Variants in DPP10 observed in about 807,000 individuals in gnomAD.
DPP10 encodes the protein inactive dipeptidyl peptidase 10.
A neutral mutation model predicts 120.9 loss-of-function variants in DPP10; 33 were observed. That is an observed-to-expected ratio of 0.27 (90% CI 0.21 to 0.37). The LOEUF is 0.37. Among genes scored for constraint, DPP10 ranks in the 10% least tolerant of loss-of-function variants. The pLI, the probability that DPP10 is intolerant of heterozygous loss-of-function variation, is 1.00. For missense variants in DPP10, 816 were observed against 942.8 expected (o/e 0.87, Z 1.76); for synonymous variants, 337 against 326.1 (o/e 1.03, Z -0.36).
chr2:115,573,952 G>T, intron 5 of DPP10, among the ~76,000 whole-genome samples: 1 of 152,036 alleles, frequency 6.6e-6, no homozygotes. Flanking sequence ...AGCTGGCCTG[G>T]TTCTCTACTC....
chr2:115,674,242 G>GTAAATAAATAAA (rs35526958), intron 5 of DPP10, among the ~76,000 whole-genome samples: 8 of 149,006 alleles, frequency 5.4e-5, no homozygotes, highest in East Asian at 2.0e-4. Flanking sequence ...AAATAAATGA[G>GTAAATAAATAAA]TAAATAAATA....
intron 3 of DPP10, among the ~76,000 whole-genome samples, chr2:115,375,058 A>G (rs1187578103): frequency 6.6e-6 from 1 of 152,244 alleles, no homozygotes; most frequent in African/African-American, 2.4e-5. Context: ...ATTTCTTCCA[A>G]GAAAATGGGT....
At chr2:115,290,680 G>A (rs912467674) in intron 1 of DPP10, among the ~76,000 whole-genome samples, 2 of 151,978 alleles carry the variant, frequency 1.3e-5, no homozygotes, top group African/African-American at 4.8e-5. Flanking sequence ...CACGGGATTT[G>A]TTAGCATGTC....
intron 1 of DPP10, among the ~76,000 whole-genome samples, chr2:114,620,959 T>A (rs974660942): frequency 6.6e-6 from 1 of 152,052 alleles, no homozygotes; most frequent in African/African-American, 2.4e-5. Context: ...CAAGAGAGTA[T>A]CAGTGACTAA....
At chr2:115,364,465 G>A (rs1271961169) in intron 3 of DPP10, among the ~76,000 whole-genome samples, 4 of 152,018 alleles carry the variant, frequency 2.6e-5, no homozygotes, top group East Asian at 1.9e-4. Context: ...TTGCTTGTTC[G>A]CTAGTACGTG....
chr2:115,235,488 A>T (rs1034467566), intron 1 of DPP10, among the ~76,000 whole-genome samples: 1 of 152,242 alleles, frequency 6.6e-6, no homozygotes, highest in Non-Finnish European at 1.5e-5. Context: ...TTTCAAAGCT[A>T]AGGTTGTGAT....
In DPP10 at chr2:115,049,089, A is replaced by C. The variant is rs181830446; in HGVS notation, c.61-260150A>C. Among the ~76,000 whole-genome samples, 4 of 152,226 alleles carry C rather than the reference A, an allele frequency of 2.6e-5. No individual in the cohort carries two copies. In the East Asian group the frequency reaches 7.7e-4, roughly 29 times the overall value. On this transcript the variant is annotated intron_variant, in intron 1 of 25. Transcript: ENST00000410059. ...TGGATGGTTAAAAGAACAATTTTTTAATACATAATAAATATGAGTTGAACC... is the reference window on the plus strand; with the variant it reads ...TGGATGGTTAAAAGAACAATTTTTTCATACATAATAAATATGAGTTGAACC...
At chr2:115,009,257 C>G (rs377177353) in intron 1 of DPP10, among the ~76,000 whole-genome samples, 10 of 151,090 alleles carry the variant, frequency 6.6e-5, no homozygotes, top group African/African-American at 9.7e-5. Context: ...CCATAAAAAA[C>G]GATGAGTTCA....
chr2:115,640,379 C>A (rs933924164), intron 5 of DPP10, among the ~76,000 whole-genome samples: 4 of 149,616 alleles, frequency 2.7e-5, no homozygotes, highest in East Asian at 2.1e-4. Context: ...CCAGCACTTA[C>A]AACTACTATG....
At chr2:114,973,794 T>C (rs1699563900) in intron 1 of DPP10, among the ~76,000 whole-genome samples, 1 of 151,728 alleles carries the variant, frequency 6.6e-6, no homozygotes, top group African/African-American at 2.4e-5. Flanking sequence ...GACTTTCCAG[T>C]GGGACAAGAT....
At chr2:114,856,305 T>C (rs1318126303) in intron 1 of DPP10, among the ~76,000 whole-genome samples, 1 of 152,132 alleles carries the variant, frequency 6.6e-6, no homozygotes, top group African/African-American at 2.4e-5. Flanking sequence ...AAGATATAAG[T>C]AGAAATGTAA....
At chr2:114,895,006 A>G (rs1247814416) in intron 1 of DPP10, among the ~76,000 whole-genome samples, 1 of 152,156 alleles carries the variant, frequency 6.6e-6, no homozygotes, top group African/African-American at 2.4e-5. Flanking sequence ...CAAACTACTT[A>G]AACTCTGTGT....
intron 1 of DPP10, among the ~76,000 whole-genome samples, chr2:115,067,363 T>C (rs919744261): frequency 4.0e-5 from 6 of 151,618 alleles, no homozygotes; most frequent in African/African-American, 7.2e-5. Context: ...GCCATTCTCC[T>C]GCCTCAGCCT....
chr2:114,455,544 C>CA (rs58126075), intron 1 of DPP10, among the ~76,000 whole-genome samples: 3,695 of 120,356 alleles, frequency 0.031, 135 homozygotes, highest in African/African-American at 0.091. Flanking sequence ...GACTCTGTCT[C>CA]AAAAAAAAAA....
intron 1 of DPP10, among the ~76,000 whole-genome samples, chr2:114,626,389 A>C (rs1694513557): frequency 6.6e-6 from 1 of 151,996 alleles, no homozygotes; most frequent in African/African-American, 2.4e-5. Context: ...TGTTTTCTTT[A>C]CTTTCAGAAT....
chr2:115,311,865 A>T (rs1006657504), intron 2 of DPP10, among the ~76,000 whole-genome samples: 3 of 152,104 alleles, frequency 2.0e-5, no homozygotes. Flanking sequence ...TTCCGGGCTC[A>T]AGCGATCCTC....
chr2:115,802,879 G>T (rs1685437243), intron 19 of DPP10, among the ~76,000 whole-genome samples: 1 of 152,096 alleles, frequency 6.6e-6, no homozygotes, highest in Non-Finnish European at 1.5e-5. Flanking sequence ...AATAGGTGTG[G>T]TGTGGTGCTG....
At chr2:114,590,155 A>G (rs1275121687) in intron 1 of DPP10, among the ~76,000 whole-genome samples, 4 of 152,138 alleles carry the variant, frequency 2.6e-5, no homozygotes, top group Non-Finnish European at 2.9e-5. Context: ...ACAAACACAA[A>G]TAAAAATAGA....
intron 1 of DPP10, among the ~76,000 whole-genome samples, chr2:114,936,386 C>A (rs1247344864): frequency 6.6e-6 from 1 of 150,970 alleles, no homozygotes; most frequent in Non-Finnish European, 1.5e-5. Context: ...TATATATACA[C>A]ATATATACAC....
Sources: allele counts gnomAD v4.1 joint callset (sites outside exome capture counted in the v4.1 genomes callset), GRCh38; gene constraint gnomAD v4.1.1; transcripts MANE v1.5; gene names NCBI Gene and HGNC (gene_info 2026-07-23, HGNC 2026-07-21).